Variants in HEATR4 observed in about 807,000 individuals in gnomAD.
The protein encoded by HEATR4 is HEAT repeat-containing protein 4.
Under a neutral mutation model 108.8 loss-of-function variants are expected in HEATR4, and 95 were observed. The ratio of observed to expected loss-of-function variants is 0.87; its 90% CI spans 0.74 to 1.04. The LOEUF is 1.04. Among genes scored for constraint, HEATR4 ranks in the 50% least tolerant of loss-of-function variants. HEATR4 has a pLI of 0.00. For missense variants in HEATR4, 1,152 were observed against 1,253.8 expected, an observed-to-expected ratio of 0.92 and a Z score of 1.23; for synonymous variants, 443 against 459.4, an observed-to-expected ratio of 0.96 and a Z score of 0.46.
the HEATR4 span, among the ~76,000 whole-genome samples, chr14:73,586,702 GAAAAA>G: frequency 8.1e-6 from 1 of 123,040 alleles, no homozygotes. Context: ...GACTCTGTCT[GAAAAA>G]AAAAAAAAAA....
intron 6 of HEATR4, among the ~76,000 whole-genome samples, chr14:73,513,464 AAAAG>A (rs1271660006): frequency 7.4e-6 from 1 of 135,460 alleles, no homozygotes; most frequent in African/African-American, 3.0e-5. Context: ...CCATCTCAGA[AAAAG>A]AAAAAAGGGC....
chr14:73,619,914 TTTCTC>T, the HEATR4 span: 1 of 1,442,516 alleles, frequency 6.9e-7, no homozygotes, highest in Non-Finnish European at 9.1e-7. Context: ...CTTTCTTTCT[TTTCTC>T]TTTTTTTTTT....
chr14:73,576,821 G>GAAAAA, the HEATR4 span, among the ~76,000 whole-genome samples: 82 of 61,680 alleles, frequency 1.3e-3, 1 homozygote, highest in East Asian at 2.4e-3. Context: ...AAAAAAAAAA[G>GAAAAA]ACAATATTTA....
At chr14:73,579,523 C>T in the HEATR4 span, among the ~76,000 whole-genome samples, 2 of 145,976 alleles carry the variant, frequency 1.4e-5, no homozygotes, top group Non-Finnish European at 3.0e-5. Flanking sequence ...TGTGGTGAGC[C>T]GAGATCGTGC....
chr14:73,504,311 C>T (rs1886672516), intron 10 of HEATR4, among the ~76,000 whole-genome samples: 1 of 151,514 alleles, frequency 6.6e-6, no homozygotes, highest in Non-Finnish European at 1.5e-5. Context: ...GGTGCGATCT[C>T]AACTCACTGC....
the HEATR4 span, chr14:73,569,230 A>G: frequency 6.2e-7 from 1 of 1,612,666 alleles, no homozygotes; most frequent in Non-Finnish European, 8.5e-7. Context: ...CTGCGACGGC[A>G]GCCCGAGAGG....
chr14:73,495,278 C>T lies in HEATR4; in HGVS notation c.2735G>A (p.Gly912Glu), dbSNP rs76429074. 0.029 allele frequency: 47,257 copies of T among 1,613,894 alleles called. 868 individuals carry two copies. The highest frequency in any genetic ancestry group is 0.035 in the Non-Finnish European group (41,303 of 1,179,898). The change falls in exon 16 of 18, where the codon GGA becomes GAA. Residue 912 changes from glycine (G) to glutamate (E), a missense_variant. Coordinates refer to ENST00000553558, the MANE Select transcript of HEATR4 (RefSeq NM_001220484.1). ...CTGGAGTGTTAGTGGTCCTTGTTCT[C>T]CTTTGGGTTTCAAGTAAACACGTTT... ...EAKRVYLKPK[G>E]EQGPLTLQTL...
intron 12 of HEATR4, 94 bp from the exon 13 acceptor site, chr14:73,499,234 A>G (rs1886280032): frequency 9.2e-7 from 1 of 1,090,020 alleles, no homozygotes; most frequent in African/African-American, 1.5e-5. Context: ...TAATCCCAGC[A>G]TTTTGGGATG....
At position 73,483,022 on chromosome 14, in the gene HEATR4, A is replaced by G. The variant is rs112223468; in HGVS notation, c.2845-4180T>C. The stretch of plus-strand genomic sequence containing the variant: ...CATTTAGGAAGTAAGGGGATCTAGG[A>G]AGGAATACGGACTGCATGTAGCAAG... On this transcript the variant is annotated intron_variant, in intron 17 of 17. Transcript: ENST00000553558. Among the ~76,000 whole-genome samples, 461 of 152,296 alleles carry G rather than the reference A, an allele frequency of 3.0e-3. 3 individuals carry two copies. Among genetic ancestry groups the G allele is most frequent in the African/African-American group, 0.01 (436 of 41,558 alleles).
At chr14:73,493,432 C>A (rs949170800) in intron 16 of HEATR4, 1 of 283,532 alleles carries the variant, frequency 3.5e-6, no homozygotes. Flanking sequence ...TGGGATGGTT[C>A]GAAGAAATGC....
the HEATR4 span, chr14:73,617,063 C>T: frequency 7.3e-7 from 1 of 1,365,230 alleles, no homozygotes; most frequent in South Asian, 1.2e-5. Flanking sequence ...GGGCCAGCCT[C>T]CTGGCCGGAC....
intron 2 of HEATR4, among the ~76,000 whole-genome samples, chr14:73,524,041 AG>A (rs934770210): frequency 4.6e-5 from 7 of 152,122 alleles, no homozygotes; most frequent in Admixed American, 3.3e-4. Flanking sequence ...CTGTAATCCC[AG>A]CACTTTGGGA....
chr14:73,616,946 CTT>C, the HEATR4 span: 1 of 609,368 alleles, frequency 1.6e-6, no homozygotes, highest in Non-Finnish European at 2.9e-6. Flanking sequence ...TGCTTACTGT[CTT>C]TTGAGAAACT....
At chr14:73,556,033 C>T (rs1889388194) in intron 1 of HEATR4, among the ~76,000 whole-genome samples, 1 of 114,482 alleles carries the variant, frequency 8.7e-6, no homozygotes, top group Non-Finnish European at 1.9e-5. Context: ...TTAGGGTGTC[C>T]GCAGATAAAT....
chr14:73,614,764 AAT>A, the HEATR4 span, among the ~76,000 whole-genome samples: 4 of 149,754 alleles, frequency 2.7e-5, no homozygotes, highest in African/African-American at 4.9e-5. Flanking sequence ...AAAAAAAAAA[AAT>A]CACACTGACT....
the HEATR4 span, chr14:73,592,408 T>C: frequency 6.6e-7 from 1 of 1,524,548 alleles, no homozygotes; most frequent in Non-Finnish European, 8.8e-7. Flanking sequence ...ACGCTCTTCC[T>C]GCCGCCAGGT....
chr14:73,562,065 G>A (rs1291098220), upstream of HEATR4, among the ~76,000 whole-genome samples: 2 of 151,906 alleles, frequency 1.3e-5, no homozygotes, highest in African/African-American at 4.8e-5. Flanking sequence ...CAGAGATGAA[G>A]GGCCAAATAC....
chr14:73,517,665 CA>C (rs34441032), intron 5 of HEATR4, among the ~76,000 whole-genome samples: 4,095 of 59,320 alleles, frequency 0.069, 95 homozygotes, highest in East Asian at 0.29. Flanking sequence ...GAGACCCTGT[CA>C]AAAAAAAAAA....
At chr14:73,512,244 A>C in intron 6 of HEATR4, 95 bp from the exon 7 acceptor site, 1 of 1,405,264 alleles carries the variant, frequency 7.1e-7, no homozygotes, top group Non-Finnish European at 9.8e-7. Flanking sequence ...CTTCACCCAG[A>C]ATAATTCAAG....
Sources: allele counts gnomAD v4.1 joint callset (sites outside exome capture counted in the v4.1 genomes callset), GRCh38; gene constraint gnomAD v4.1.1; transcripts MANE v1.5; gene names NCBI Gene and HGNC (gene_info 2026-07-23, HGNC 2026-07-21).